Variants in PALMD observed in about 807,000 individuals in gnomAD.
PALMD encodes palmdelphin.
Under a neutral mutation model 56.2 loss-of-function variants are expected in PALMD, and 42 were observed. The ratio of observed to expected loss-of-function variants is 0.75; its 90% CI spans 0.58 to 0.97. The LOEUF (loss-of-function observed/expected upper bound fraction) is 0.97. Ranked by LOEUF, PALMD falls within the 50% of genes least tolerant of loss-of-function variation. The pLI, the probability that PALMD is intolerant of heterozygous loss-of-function variation, is 0.00. For missense variants in PALMD, 660 were observed against 643.8 expected (o/e 1.03, Z -0.27); for synonymous variants, 242 against 222.9 (o/e 1.09, Z -0.76).
At chr1:99,652,744 G>T (rs201672953) in intron 1 of PALMD, among the ~76,000 whole-genome samples, 1 of 100,200 alleles carries the variant, frequency 1.0e-5, no homozygotes, top group African/African-American at 3.3e-5. Context: ...AGAAAAGAAA[G>T]AAAACTTCCT....
chr1:99,658,753 A>G (rs971596060), intron 1 of PALMD, among the ~76,000 whole-genome samples: 1 of 152,020 alleles, frequency 6.6e-6, no homozygotes, highest in Non-Finnish European at 1.5e-5. Context: ...CCTGGGTGAC[A>G]GAGCAAGACT....
chr1:99,684,929 G>C (rs1412758692), intron 3 of PALMD: 1 of 152,216 alleles, frequency 6.6e-6, no homozygotes, highest in Non-Finnish European at 1.5e-5. Flanking sequence ...GCCCTGATGT[G>C]CAAGAGCTGC....
chr1:99,649,822 A>AGG (rs1652525919), intron 1 of PALMD, among the ~76,000 whole-genome samples: 1 of 152,244 alleles, frequency 6.6e-6, no homozygotes, highest in Non-Finnish European at 1.5e-5. Context: ...TTTAAGAACT[A>AGG]GAATCCAATT....
chr1:99,689,083 G>A lies in PALMD; in HGVS notation c.823G>A (p.Glu275Lys), dbSNP rs1427106081. ...TTACAGGCCTACAACCCCACAGAGAGAAACGGTGACCCCTGGACCAAACTT... is the reference window on the plus strand; with the variant it reads ...TTACAGGCCTACAACCCCACAGAGAAAAACGGTGACCCCTGGACCAAACTT... ...PFYRPTTPQR[E>K]TVTPGPNFQE... The change falls in exon 7 of 8, where the codon GAA (glutamate) becomes AAA (lysine). Residue 275 changes from glutamate to lysine, a missense_variant. Physicochemically the swap from Glu to Lys is moderately conservative, Grantham distance 56. Transcript: ENST00000263174. The A allele has an allele frequency of 3.7e-6, 6 of 1,613,586 alleles. No individual in the cohort carries two copies. The highest frequency in any genetic ancestry group is 5.1e-6 in the Non-Finnish European group (6 of 1,179,834).
At chr1:99,647,528 A>G (rs1328565377) in intron 1 of PALMD, among the ~76,000 whole-genome samples, 2 of 152,218 alleles carry the variant, frequency 1.3e-5, no homozygotes, top group East Asian at 1.9e-4. Context: ...TTAAATGTCT[A>G]GCTTCTAATT....
rs1354101928 is a variant in PALMD at position 99,689,072 on chromosome 1, C to A, written c.812C>A (p.Thr271Asn). ...GCCAATCCCTTTTACAGGCCTACAA[C>A]CCCACAGAGAGAAACGGTGACCCCT... The part of the protein sequence containing the change: ...VYANPFYRPT[T>N]PQRETVTPGP... The change falls in exon 7 of 8, where the codon ACC becomes AAC. Residue 271 changes from threonine (T) to asparagine (N), a missense_variant. Transcript: ENST00000263174. 2 of 1,613,414 alleles carry A rather than the reference C, an allele frequency of 1.2e-6. No individual in the cohort carries two copies. Among genetic ancestry groups the A allele is most frequent in the Admixed American group, 1.7e-5 (1 of 59,936 alleles).
At position 99,686,909 on chromosome 1, in the gene PALMD, GA is replaced by G. The variant is rs1557675130; in HGVS notation, c.367-20del. On this transcript the variant is annotated intron_variant, in intron 4 of 7. Coordinates refer to ENST00000263174, the MANE Select transcript of PALMD (RefSeq NM_017734.5). ...TATTTTTTAAACTGTATTAATCATG[GA>G]GAATTCTTTTTTCTTACAGTCTGTG... The G allele has an allele frequency of 6.5e-7, 1 of 1,531,374 alleles. No individual in the cohort carries two copies. The highest frequency in any genetic ancestry group is 1.4e-5 in the African/African-American group (1 of 72,642). The allele number at this position is 1,531,374 out of a possible 1,614,324, so 94.9% of individuals were successfully genotyped here.
chr1:99,691,571 A>C (rs1056812690), intron 7 of PALMD, among the ~76,000 whole-genome samples: 1 of 152,196 alleles, frequency 6.6e-6, no homozygotes, highest in African/African-American at 2.4e-5. Flanking sequence ...CGGCATACAG[A>C]CTACAGAGCT....
intron 1 of PALMD, among the ~76,000 whole-genome samples, chr1:99,661,551 C>T (rs1166427604): frequency 6.6e-6 from 1 of 152,130 alleles, no homozygotes; most frequent in African/African-American, 2.4e-5. Context: ...CATTGAGGCA[C>T]AGAGAAGTTA....
intron 2 of PALMD, among the ~76,000 whole-genome samples, chr1:99,664,579 T>C (rs1001746996): frequency 1.3e-5 from 2 of 152,138 alleles, no homozygotes; most frequent in Non-Finnish European, 2.9e-5. Flanking sequence ...AGAGTGGCTA[T>C]TTCAGTAGAG....
At chr1:99,648,382 C>T (rs1052461297) in intron 1 of PALMD, among the ~76,000 whole-genome samples, 1 of 152,152 alleles carries the variant, frequency 6.6e-6, no homozygotes, top group African/African-American at 2.4e-5. Flanking sequence ...CGCCCTCGCC[C>T]TTGCCTTGCC....
At chr1:99,657,535 G>A (rs1363747963) in intron 1 of PALMD, among the ~76,000 whole-genome samples, 2 of 151,954 alleles carry the variant, frequency 1.3e-5, no homozygotes, top group East Asian at 1.9e-4. Context: ...TGTCCTCTTC[G>A]TGTTCTCTCC....
intron 3 of PALMD, chr1:99,669,198 T>C (rs1274503341): frequency 6.6e-6 from 1 of 152,172 alleles, no homozygotes; most frequent in Non-Finnish European, 1.5e-5. Context: ...CACTTGTATA[T>C]TGAATAGCTA....
chr1:99,691,274 C>T, intron 7 of PALMD, among the ~76,000 whole-genome samples: 1 of 152,080 alleles, frequency 6.6e-6, no homozygotes, highest in Non-Finnish European at 1.5e-5. Context: ...ACTATAAAAC[C>T]TCCCTTTTCT....
At chr1:99,692,760 C>A (rs775933528) in intron 7 of PALMD, among the ~76,000 whole-genome samples, 1 of 152,188 alleles carries the variant, frequency 6.6e-6, no homozygotes, top group Non-Finnish European at 1.5e-5. Context: ...TAAAATCCAA[C>A]AGTATAAACT....
At chr1:99,688,685 C>CTA (rs1223257895) in intron 6 of PALMD, 90 bp from the exon 7 acceptor site, 2 of 809,612 alleles carry the variant, frequency 2.5e-6, no homozygotes, top group Non-Finnish European at 4.0e-6. Flanking sequence ...CATGAAGGGT[C>CTA]TACTTAATAT....
chr1:99,682,681 C>G (rs764618914), intron 3 of PALMD, among the ~76,000 whole-genome samples: 10 of 151,840 alleles, frequency 6.6e-5, no homozygotes, highest in Admixed American at 2.0e-4. Context: ...AGCTTTGTCT[C>G]TATGCCCCAG....
At chr1:99,662,482 T>G (rs544229265) in intron 2 of PALMD, 83 bp downstream of exon 2, 2 of 835,220 alleles carry the variant, frequency 2.4e-6, no homozygotes, top group Admixed American at 4.8e-5. Flanking sequence ...TAAAAAAGCT[T>G]TAGGAAAGAA....
rs1361522509 is a variant in PALMD, at chr1:99,689,629, G to A, written c.1369G>A (p.Glu457Lys). The change falls in exon 7 of 8, where the codon GAA becomes AAA. Residue 457 changes from glutamate to lysine, a missense_variant. By Grantham distance (56) the Glu-to-Lys change is moderately conservative. Transcript: ENST00000263174. ...TGATGAGGAGGAGGAGGATGAAGGA[G>A]AAGCAGAGAAACCGTCCTACCACCC... ...IDDEEEEDEG[E>K]AEKPSYHPIA... 1 of 1,613,630 alleles carries A rather than the reference G, an allele frequency of 6.2e-7. No homozygotes were observed.
Sources: allele counts gnomAD v4.1 joint callset (sites outside exome capture counted in the v4.1 genomes callset), GRCh38; gene constraint gnomAD v4.1.1; transcripts MANE v1.5; gene names NCBI Gene and HGNC (gene_info 2026-07-23, HGNC 2026-07-21).